Variants in MED13L observed in about 807,000 individuals in gnomAD.
MED13L encodes the protein mediator complex subunit 13L.
A neutral mutation model predicts 220.9 loss-of-function variants in MED13L; 7 were observed. That is an observed-to-expected ratio of 0.03 (90% CI 0.02 to 0.06). The LOEUF (loss-of-function observed/expected upper bound fraction) is 0.06. MED13L is among the 10% of genes least tolerant of loss of function. The pLI is 1.00. For missense variants in MED13L, 1,965 were observed against 2,760.5 expected (o/e 0.71, Z 6.46); for synonymous variants, 1,011 against 1,015.2 (o/e 1.00, Z 0.08).
At chr12:116,111,594 T>C (rs568496743) in intron 2 of MED13L, 82 bp from the exon 3 acceptor site, 1 of 1,037,498 alleles carries the variant, frequency 9.6e-7, no homozygotes, top group East Asian at 2.5e-5. Flanking sequence ...AACATTTTTC[T>C]AAAGCAAAGT....
chr12:116,230,845 C>T (rs1034446760), intron 2 of MED13L, among the ~76,000 whole-genome samples: 2 of 152,162 alleles, frequency 1.3e-5, no homozygotes, highest in Middle Eastern at 3.4e-3. Context: ...TAACCAGAAA[C>T]CATCAAAAAT....
chr12:116,164,816 T>C (rs570988101), intron 2 of MED13L, among the ~76,000 whole-genome samples: 36 of 152,342 alleles, frequency 2.4e-4, no homozygotes, highest in African/African-American at 8.7e-4. Context: ...GCCTGAAATG[T>C]AGGCTATAGC....
At chr12:116,160,396 T>G (rs1201451785) in intron 2 of MED13L, among the ~76,000 whole-genome samples, 1 of 152,112 alleles carries the variant, frequency 6.6e-6, no homozygotes, top group Admixed American at 6.5e-5. Flanking sequence ...CGATGCATCA[T>G]GATAGTGGCC....
intron 2 of MED13L, among the ~76,000 whole-genome samples, chr12:116,215,589 C>A (rs982588051): frequency 2.6e-5 from 4 of 152,116 alleles, no homozygotes; most frequent in Non-Finnish European, 4.4e-5. Context: ...CATAATGCCT[C>A]GCACAGTATC....
At chr12:116,211,243 A>G (rs1438613617) in intron 2 of MED13L, among the ~76,000 whole-genome samples, 1 of 152,214 alleles carries the variant, frequency 6.6e-6, no homozygotes, top group African/African-American at 2.4e-5. Flanking sequence ...GGCAGCCTCT[A>G]GCCATATGTA....
intron 25 of MED13L, 164 bp from the exon 26 acceptor site, chr12:115,972,400 C>T (rs770687564): frequency 3.4e-5 from 27 of 783,178 alleles, no homozygotes; most frequent in Non-Finnish European, 4.7e-5. Context: ...GAATGTTACT[C>T]GACTTCTATT....
chr12:116,246,510 T>C (rs958037294), intron 1 of MED13L, among the ~76,000 whole-genome samples: 2 of 151,048 alleles, frequency 1.3e-5, no homozygotes, highest in African/African-American at 4.9e-5. Context: ...GGGGATGAGT[T>C]AAGTTTTAGA....
intron 4 of MED13L, among the ~76,000 whole-genome samples, chr12:116,051,055 C>T (rs1464681188): frequency 8.6e-5 from 13 of 151,818 alleles, no homozygotes; most frequent in Admixed American, 5.2e-4. Context: ...ATGCATAATA[C>T]GGAAAAATAC....
intron 2 of MED13L, among the ~76,000 whole-genome samples, chr12:116,135,213 T>A (rs547557125): frequency 6.6e-6 from 1 of 152,184 alleles, no homozygotes; most frequent in Non-Finnish European, 1.5e-5. Flanking sequence ...ACATAATCTC[T>A]ATGGGTAGGT....
chr12:115,981,961 A>G (rs1877360039), intron 22 of MED13L: 1 of 202,760 alleles, frequency 4.9e-6, no homozygotes, highest in South Asian at 8.4e-5. Flanking sequence ...TAATCAAAAA[A>G]TCTGAAATCC....
intron 6 of MED13L, 49 bp from the exon 7 acceptor site, chr12:116,019,461 T>C (rs770918914): frequency 1.3e-6 from 2 of 1,589,728 alleles, no homozygotes; most frequent in Admixed American, 3.3e-5. Flanking sequence ...AAAGAATTCA[T>C]ACAAGACTTC....
intron 4 of MED13L, among the ~76,000 whole-genome samples, chr12:116,067,054 A>G (rs1014341275): frequency 3.3e-5 from 5 of 152,184 alleles, no homozygotes; most frequent in Non-Finnish European, 4.4e-5. Flanking sequence ...TGTGGAGGAC[A>G]AAGTGAACCC....
chr12:115,972,890 G>C (rs1363359915), intron 25 of MED13L, among the ~76,000 whole-genome samples: 1 of 152,134 alleles, frequency 6.6e-6, no homozygotes, highest in Non-Finnish European at 1.5e-5. Context: ...ATGTTACTCT[G>C]AGAAGTGGAA....
intron 2 of MED13L, among the ~76,000 whole-genome samples, chr12:116,177,412 T>C: frequency 6.6e-6 from 1 of 152,206 alleles, no homozygotes; most frequent in East Asian, 1.9e-4. Context: ...AGAAATATTC[T>C]TAGGTAAAAA....
At chr12:115,978,475 C>T (rs991154231) in intron 23 of MED13L, among the ~76,000 whole-genome samples, 6 of 151,858 alleles carry the variant, frequency 4.0e-5, no homozygotes, top group South Asian at 2.1e-4. Flanking sequence ...TATAGGCATC[C>T]GCCACCACGC....
At chr12:116,196,568 A>T (rs1349508771) in intron 2 of MED13L, among the ~76,000 whole-genome samples, 1 of 152,228 alleles carries the variant, frequency 6.6e-6, no homozygotes. Context: ...GAATTGAGTA[A>T]CAGGATTTCT....
intron 4 of MED13L, among the ~76,000 whole-genome samples, chr12:116,059,638 G>A (rs1013364411): frequency 6.6e-6 from 1 of 151,952 alleles, no homozygotes; most frequent in Admixed American, 6.6e-5. Flanking sequence ...GGCTGGTCTC[G>A]AACTCCTGAC....
chr12:116,128,455 AAC>A (rs1491552536), intron 2 of MED13L, among the ~76,000 whole-genome samples: 1 of 152,054 alleles, frequency 6.6e-6, no homozygotes, highest in Non-Finnish European at 1.5e-5. Flanking sequence ...GAAAAAAAAA[AAC>A]AAGAAAATAA....
chr12:116,250,025 TAAAAAAA>T (rs71095516), intron 1 of MED13L, among the ~76,000 whole-genome samples: 2 of 40,462 alleles, frequency 4.9e-5, no homozygotes, highest in African/African-American at 2.3e-4. Context: ...CAGCATAAAC[TAAAAAAA>T]AAAAAAAAAA....
Sources: gnomAD v4.1 joint callset for allele counts (sites outside exome capture counted in the v4.1 genomes callset) on GRCh38, gnomAD v4.1.1 for gene constraint, MANE v1.5 for transcripts, NCBI Gene and HGNC (gene_info 2026-07-23, HGNC 2026-07-21) for gene names.